The following PPFIA4 variants were observed in gnomAD, a reference collection of about 807,000 sequenced individuals.
PPFIA4 encodes the protein PPFI scaffold protein A4, also known as liprin-alpha-4.
Under a neutral mutation model 145.7 loss-of-function variants are expected in PPFIA4, and 98 were observed. The ratio of observed to expected loss-of-function variants is 0.67; its 90% CI spans 0.57 to 0.80. The LOEUF (loss-of-function observed/expected upper bound fraction) is 0.80, where lower values mean the gene tolerates loss of function less well. Among genes scored for constraint, PPFIA4 ranks in the 30% least tolerant of loss-of-function variants. PPFIA4 has a pLI of 0.00. For missense variants in PPFIA4, 1,457 were observed against 1,632.7 expected (o/e 0.89, Z 1.85); for synonymous variants, 628 against 649.6 (o/e 0.97, Z 0.51).
At position 203,056,800 on chromosome 1, in the gene PPFIA4, G is replaced by T. The variant is rs554956131; in HGVS notation, c.2257G>T (p.Gly753Cys). 4.3e-6 allele frequency: 7 copies of T among 1,611,410 alleles called. No individual in the cohort carries two copies. The South Asian group carries it at 4.4e-5, about 10-fold the overall frequency. The change falls in exon 19 of 30, where the codon GGC becomes TGC. Residue 753 changes from glycine (G) to cysteine (C), a missense_variant. Gly to Cys is a radical substitution (Grantham distance 159). This residue lies in a region of PPFIA4 where 848 missense variants were observed against 1,046.7 expected (regional missense o/e 0.81). Transcript: ENST00000295706. ...EEGKSALEDQ[G>C]SNPSSSNSSQ... is the part of the protein sequence containing the mutation. The stretch of plus-strand genomic sequence containing the variant: ...ACCCTGTAGTGCCTTGGAGGATCAG[G>T]GCAGCAACCCCAGCAGCAGCAACAG...
chr1:203,051,567 C>T (rs1344185625), intron 13 of PPFIA4: 1 of 987,634 alleles, frequency 1.0e-6, no homozygotes, highest in Non-Finnish European at 1.4e-6. Flanking sequence ...TCCCCTGGCT[C>T]ATTCTGACCC....
intron 1 of PPFIA4, among the ~76,000 whole-genome samples, chr1:203,031,881 C>A (rs1182370799): frequency 1.3e-5 from 2 of 152,296 alleles, no homozygotes; most frequent in Admixed American, 1.3e-4. Flanking sequence ...TCAGCAAAAG[C>A]TGTGTCTGTA....
Position 203,077,684 on chromosome 1 carries a change from A to G in PPFIA4, c.*1294A>G, listed in dbSNP as rs1662635045. The G allele has an allele frequency of 6.6e-6, 1 of 152,182 alleles. No homozygotes were observed. The highest frequency in any genetic ancestry group is 2.1e-4 in the South Asian group (1 of 4,832). 9.4% of individuals were successfully genotyped at this position (152,182 alleles called of 1,614,324 possible). On this transcript the variant is annotated 3_prime_UTR_variant, in exon 30 of 30. Transcript: ENST00000295706. ...TGCCACCATTTTCATTGCTTTCCCC[A>G]GCAGCATGATGGGAACCCAAGCTGA...
Position 203,074,682 on chromosome 1 carries a change from G to A in PPFIA4, c.3394-895G>A, listed in dbSNP as rs1222014256. ...TGCTAGTCCCACTCTGCCTGCATCA[G>A]CTCTGAGAACATGGGGTGGAGGGAG... On this transcript the variant is annotated intron_variant, in intron 28 of 29. Transcript: ENST00000295706. Among the ~76,000 whole-genome samples the A allele has an allele frequency of 3.3e-5, 5 of 152,122 alleles. No individual in the cohort carries two copies. In the East Asian group the frequency reaches 9.7e-4, roughly 29 times the overall value.
At chr1:203,051,011 C>G (rs1460991924) in intron 13 of PPFIA4, among the ~76,000 whole-genome samples, 4 of 151,948 alleles carry the variant, frequency 2.6e-5, no homozygotes, top group Non-Finnish European at 5.9e-5. Flanking sequence ...CTCCAGTGAC[C>G]TCGTATGGTC....
At chr1:203,049,602 C>T in intron 12 of PPFIA4, 74 bp from the exon 13 acceptor site, 1 of 1,252,796 alleles carries the variant, frequency 8.0e-7, no homozygotes, top group Non-Finnish European at 1.1e-6. Context: ...CTTTGTCCCT[C>T]TCTGACTCCC....
intron 6 of PPFIA4, 56 bp downstream of exon 6, chr1:203,044,841 G>A (rs1369079672): frequency 1.0e-5 from 15 of 1,463,834 alleles, no homozygotes; most frequent in Non-Finnish European, 1.4e-5. Context: ...GTGGGAGGTT[G>A]GAGGCCCGGC....
In PPFIA4 at chr1:203,045,245, A is replaced by T. The variant is rs187072711; in HGVS notation, c.667-123A>T. On this transcript the variant is annotated intron_variant, in intron 6 of 29. Transcript: ENST00000295706. ...CAGTTGTAGCCAGAGGAGTGCTGTG[A>T]TGTTGGGGGCAGAGCCTTGACCTGC... 1.7e-3 allele frequency: 1,373 copies of T among 831,056 alleles called. 7 individuals carry two copies. The African/African-American group carries it at 0.02, about 12-fold the overall frequency. 51.5% of individuals were successfully genotyped at this position (831,056 alleles called of 1,614,324 possible).
intron 4 of PPFIA4, 83 bp from the exon 5 acceptor site, chr1:203,044,296 G>A: frequency 7.4e-7 from 1 of 1,348,874 alleles, no homozygotes; most frequent in Non-Finnish European, 1.0e-6. Context: ...CATGCTCAGT[G>A]GTGGTAGACC....
In PPFIA4 at chr1:203,064,044, G is replaced by A. The variant is rs770530029; in HGVS notation, c.3050+41G>A. On this transcript the variant is annotated intron_variant, in intron 25 of 29. Coordinates refer to ENST00000295706, the MANE Select transcript of PPFIA4 (RefSeq NM_001304331.2). ...ACCCAGGGCCACCTCCCTCGTGGGG[G>A]CCTCCCCTAGCTCTGAGGGTCTGCC... The A allele has an allele frequency of 3.8e-6, 6 of 1,590,748 alleles. No individual in the cohort carries two copies. The South Asian group carries it at 5.6e-5, about 15-fold the overall frequency.
intron 20 of PPFIA4, 86 bp downstream of exon 20, chr1:203,059,357 C>T: frequency 8.6e-7 from 1 of 1,167,694 alleles, no homozygotes; most frequent in Non-Finnish European, 1.2e-6. Flanking sequence ...AAACTGAGCT[C>T]AGAGACCCAG....
At chr1:203,037,518 A>G (rs1659372082) in intron 1 of PPFIA4, among the ~76,000 whole-genome samples, 1 of 152,158 alleles carries the variant, frequency 6.6e-6, no homozygotes, top group Non-Finnish European at 1.5e-5. Flanking sequence ...CTGAAAAACG[A>G]CTAAGGTGGT....
intron 26 of PPFIA4, 85 bp downstream of exon 26, chr1:203,067,877 G>T: frequency 8.8e-7 from 1 of 1,135,902 alleles, no homozygotes; most frequent in Non-Finnish European, 1.3e-6. Flanking sequence ...GAGGCATTCT[G>T]TGTCTCAGGG....
Position 203,048,992 on chromosome 1 carries a change from C to CG in PPFIA4, c.1419+14dup. The CG allele has an allele frequency of 6.5e-7, 1 of 1,546,808 alleles. No individual in the cohort carries two copies. Among genetic ancestry groups the CG allele is most frequent in the South Asian group, 1.2e-5 (1 of 83,702 alleles). ...AGCACCACCACAAGGTACCCGGCTG[C>CG]GGCCAGCCCCGCCCAGCCTGGGAGG... On this transcript the variant is annotated intron_variant, in intron 12 of 29. Transcript: ENST00000295706. The surrounding 1 kb of genome is among the most constrained non-coding windows in gnomAD (Gnocchi z 5.8).
At chr1:203,039,296 C>G in intron 2 of PPFIA4, 54 bp downstream of exon 2, 1 of 1,339,282 alleles carries the variant, frequency 7.5e-7, no homozygotes, top group African/African-American at 1.5e-5. Flanking sequence ...TCTAGCCCTG[C>G]TAGATCCACT....
rs1662689136 is a variant in PPFIA4, at chr1:203,078,582, CCCGAGCCCTCCACACCAGCCT to C, written c.*2195_*2215del. 6.6e-6 allele frequency: 1 copy of C among 152,172 alleles called. No individual in the cohort carries two copies. The highest frequency in any genetic ancestry group is 2.4e-5 in the African/African-American group (1 of 41,236). The allele number at this position is 152,172 out of a possible 1,614,324, so 9.4% of individuals were successfully genotyped here. ...TTTTTTTTTGGCGAGTCACCAGTGA[CCCGAGCCCTCCACACCAGCCT>C]CCTGTATCTCATCAGGTCCCTTCTC... On this transcript the variant is annotated 3_prime_UTR_variant, in exon 30 of 30. Transcript: ENST00000295706.
Position 203,032,041 on chromosome 1 carries a change from C to CGTGTGTGTGTGTGTGTGTGT in PPFIA4, c.-400+5423_-400+5442dup, listed in dbSNP as rs66626205. On this transcript the variant is annotated intron_variant, in intron 1 of 29. Transcript: ENST00000295706. ...CTGATGTACAGCCTTTCTGAGAGAACGTGTGTGTGTGTGTGTGTGTGTGTG... is the reference window on the plus strand; with the variant it reads ...CTGATGTACAGCCTTTCTGAGAGAACGTGTGTGTGTGTGTGTGTGTGTGTGTGTGTGTGTGTGTGTGTGTG... Among the ~76,000 whole-genome samples, 40 of 146,458 alleles carry CGTGTGTGTGTGTGTGTGTGT rather than the reference C, an allele frequency of 2.7e-4. 1 individual carries two copies. The highest frequency in any genetic ancestry group is 1.1e-3 in the Admixed American group (16 of 14,678).
At chr1:203,061,569 C>T in intron 23 of PPFIA4, 83 bp from the exon 24 acceptor site, 2 of 1,394,630 alleles carry the variant, frequency 1.4e-6, no homozygotes, top group East Asian at 2.6e-5. Flanking sequence ...TCTTTTTCCT[C>T]TCCTTGATGG....
At chr1:203,067,910 G>A in intron 26 of PPFIA4, 118 bp downstream of exon 26, 1 of 858,972 alleles carries the variant, frequency 1.2e-6, no homozygotes, top group South Asian at 1.5e-5. Flanking sequence ...TGAAAAGGAA[G>A]ATGCAGCCTC....
Sources: allele counts gnomAD v4.1 joint callset (sites outside exome capture counted in the v4.1 genomes callset), GRCh38; gene constraint gnomAD v4.1.1; regional missense constraint gnomAD v4.1.1; non-coding constraint Gnocchi (gnomAD v3.1); transcripts MANE v1.5; gene names NCBI Gene and HGNC (gene_info 2026-07-23, HGNC 2026-07-21).